The following ALMS1 variants were observed in gnomAD, a reference collection of about 807,000 sequenced individuals.
The protein encoded by ALMS1 is centrosome-associated protein ALMS1.
A neutral mutation model predicts 352.2 loss-of-function variants in ALMS1; 271 were observed. That is an observed-to-expected ratio of 0.77 (90% confidence interval 0.70 to 0.85). The LOEUF (loss-of-function observed/expected upper bound fraction) is 0.85, where lower values mean the gene tolerates loss of function less well. ALMS1 is among the 40% of genes least tolerant of loss of function. ALMS1 has a pLI of 0.00. For synonymous variants in ALMS1, 1,865 were observed against 1,761.2 expected, an observed-to-expected ratio of 1.06 and a Z score of -1.48; for missense variants, 5,445 against 4,870.7, an observed-to-expected ratio of 1.12 and a Z score of -3.51.
At chr2:73,501,821 T>G (rs1048538820) in intron 10 of ALMS1, among the ~76,000 whole-genome samples, 1 of 152,116 alleles carries the variant, frequency 6.6e-6, no homozygotes, top group African/African-American at 2.4e-5. Flanking sequence ...TGGGATTTTT[T>G]TGGGGATTGT....
intron 3 of ALMS1, 60 bp from the exon 4 acceptor site, chr2:73,422,797 T>C: frequency 1.5e-6 from 2 of 1,352,946 alleles, no homozygotes; most frequent in Non-Finnish European, 2.1e-6. Context: ...AAGTATTATA[T>C]ACGTAAGTAA....
At chr2:73,463,380 A>G (rs1188759077) in intron 9 of ALMS1, among the ~76,000 whole-genome samples, 2 of 151,724 alleles carry the variant, frequency 1.3e-5, no homozygotes, top group Admixed American at 6.6e-5. Context: ...GAAGGCACAA[A>G]TAAAGATGTT....
At chr2:73,465,783 A>G (rs1032167836) in intron 9 of ALMS1, among the ~76,000 whole-genome samples, 16 of 152,068 alleles carry the variant, frequency 1.1e-4, no homozygotes, top group Non-Finnish European at 1.5e-5. Flanking sequence ...AACTCAAACA[A>G]ATTTACAAGA....
At chr2:73,461,645 A>C (rs1190357186) in intron 9 of ALMS1, among the ~76,000 whole-genome samples, 1 of 152,194 alleles carries the variant, frequency 6.6e-6, no homozygotes, top group Non-Finnish European at 1.5e-5. Flanking sequence ...GCTTCAGATG[A>C]TCAAACTACT....
At chr2:73,397,650 T>C (rs2103648815) in intron 1 of ALMS1, among the ~76,000 whole-genome samples, 1 of 152,304 alleles carries the variant, frequency 6.6e-6, no homozygotes, top group East Asian at 1.9e-4. Context: ...TTTCTTGTAT[T>C]CAGTAGAGAT....
At chr2:73,511,559 C>T (rs186837755) in intron 10 of ALMS1, among the ~76,000 whole-genome samples, 1 of 152,264 alleles carries the variant, frequency 6.6e-6, no homozygotes, top group Non-Finnish European at 1.5e-5. Context: ...GCAGAAATCA[C>T]CTGCCTTCTG....
At chr2:73,440,439 T>G (rs945610844) in intron 7 of ALMS1, among the ~76,000 whole-genome samples, 2 of 152,188 alleles carry the variant, frequency 1.3e-5, no homozygotes, top group Non-Finnish European at 2.9e-5. Context: ...TCCCTCTCTC[T>G]CGCGTTCGCT....
intron 1 of ALMS1, among the ~76,000 whole-genome samples, chr2:73,391,647 CTATT>C (rs969973355): frequency 2.6e-5 from 4 of 152,036 alleles, no homozygotes; most frequent in Non-Finnish European, 5.9e-5. Context: ...AGGGTAAAAA[CTATT>C]TAGTCGTAGT....
chr2:73,442,751 C>G (rs894186568), intron 7 of ALMS1, among the ~76,000 whole-genome samples: 2 of 152,148 alleles, frequency 1.3e-5, no homozygotes, highest in Admixed American at 1.3e-4. Context: ...TAGGTAATAT[C>G]AACACCCAGG....
Position 73,453,610 on chromosome 2 carries a change from T to C in ALMS1, c.7083T>C (p.Ser2361=), listed in dbSNP as rs1320412153. ...WEFISSTTVR[S]PLQEAESKVS... is the part of the protein sequence containing the mutation. ...TTATTAGTTCAACTACAGTTAGAAG[T>C]CCTCTACAGGAAGCAGAGAGCAAAG... Residue 2361 remains serine, a synonymous_variant, in exon 8 of 23, where the codon AGT becomes AGC. Coordinates refer to ENST00000613296, the MANE Select transcript of ALMS1 (RefSeq NM_001378454.1). The C allele has an allele frequency of 6.2e-7, 1 of 1,613,756 alleles. No homozygotes were observed. The highest frequency in any genetic ancestry group is 1.3e-5 in the African/African-American group (1 of 74,842).
chr2:73,437,536 A>T (rs1671627904), intron 7 of ALMS1, among the ~76,000 whole-genome samples: 1 of 152,184 alleles, frequency 6.6e-6, no homozygotes, highest in Admixed American at 6.5e-5. Context: ...CTTTCTTTAC[A>T]GCCTTTCTCC....
chr2:73,462,592 A>G (rs1227332848), intron 9 of ALMS1, among the ~76,000 whole-genome samples: 1 of 152,262 alleles, frequency 6.6e-6, no homozygotes, highest in Non-Finnish European at 1.5e-5. Context: ...ACAGGACCAC[A>G]TTCACACATA....
chr2:73,397,853 A>G (rs1337589995), intron 1 of ALMS1, among the ~76,000 whole-genome samples: 2 of 152,190 alleles, frequency 1.3e-5, no homozygotes, highest in Non-Finnish European at 2.9e-5. Context: ...GCCCCTCTCC[A>G]TAGCCTCCCT....
intron 10 of ALMS1, among the ~76,000 whole-genome samples, chr2:73,493,068 C>G (rs1379972713): frequency 1.3e-5 from 2 of 151,408 alleles, no homozygotes; most frequent in Admixed American, 1.3e-4. Flanking sequence ...TACTGAATAC[C>G]TTAAAAATGA....
In ALMS1 at chr2:73,450,426, C is replaced by T. The variant is rs769219669; in HGVS notation, c.3899C>T (p.Ser1300Leu). ...AAGCCCAGCATTTTCTACCAACAGTCGTTGCCAAGTAGTCATCTAACTGAA... is the reference window on the plus strand; with the variant it reads ...AAGCCCAGCATTTTCTACCAACAGTTGTTGCCAAGTAGTCATCTAACTGAA... ...REKPSIFYQQSLPSSHLTEEA... is the reference protein window; with the variant it reads ...REKPSIFYQQLLPSSHLTEEA... The change falls in exon 8 of 23, where the codon TCG (serine) becomes TTG (leucine). Residue 1300 changes from serine to leucine, a missense_variant. Ser to Leu is a moderately radical substitution (Grantham distance 145). Coordinates refer to ENST00000613296, the MANE Select transcript of ALMS1 (RefSeq NM_001378454.1). The T allele has an allele frequency of 2.5e-6, 4 of 1,613,702 alleles. No homozygotes were observed. Among genetic ancestry groups the T allele is most frequent in the Middle Eastern group, 1.6e-4 (1 of 6,062 alleles).
chr2:73,448,941 C>A lies in ALMS1; in HGVS notation c.2414C>A (p.Thr805Lys). The A allele has an allele frequency of 6.2e-7, 1 of 1,614,158 alleles. No individual in the cohort carries two copies. The highest frequency in any genetic ancestry group is 8.5e-7 in the Non-Finnish European group (1 of 1,179,986). Residue 805 changes from threonine (T) to lysine (K), a missense_variant, in exon 8 of 23, where the codon ACA (threonine) becomes AAA (lysine). Physicochemically the swap from Thr to Lys is moderately conservative, Grantham distance 78 (BLOSUM62 -1). Transcript: ENST00000613296. Reference sequence around the variant, plus strand: ...GCTGACCAGAAGACTGGCCTACCAACAGTACCCTCTAGTGCATACTCACAC... The same window carrying A: ...GCTGACCAGAAGACTGGCCTACCAAAAGTACCCTCTAGTGCATACTCACAC... ...GPADQKTGLP[T>K]VPSSAYSHRE...
At chr2:73,503,675 C>T (rs969322793) in intron 10 of ALMS1, among the ~76,000 whole-genome samples, 2 of 152,186 alleles carry the variant, frequency 1.3e-5, no homozygotes, top group Non-Finnish European at 2.9e-5. Flanking sequence ...AATCGCCACA[C>T]TGACTTCCAC....
chr2:73,608,620 C>T (rs371590217), intron 22 of ALMS1, 46 bp downstream of exon 22: 22 of 1,466,544 alleles, frequency 1.5e-5, no homozygotes, highest in African/African-American at 9.8e-5. Context: ...GGTTTATTGG[C>T]GGAAAGAGAA....
intron 13 of ALMS1, among the ~76,000 whole-genome samples, chr2:73,556,633 C>CTT (rs764932403): frequency 1.7e-4 from 17 of 101,446 alleles, no homozygotes; most frequent in Non-Finnish European, 3.1e-4. Context: ...CTGATCTTTC[C>CTT]TTTTTTTTTT....
Sources: gnomAD v4.1 joint callset for allele counts (sites outside exome capture counted in the v4.1 genomes callset) on GRCh38, gnomAD v4.1.1 for gene constraint, MANE v1.5 for transcripts, NCBI Gene and HGNC (gene_info 2026-07-23, HGNC 2026-07-21) for gene names.